The following PDE4B variants were observed in gnomAD, a reference collection of about 807,000 sequenced individuals.
PDE4B encodes 3',5'-cyclic-AMP phosphodiesterase 4B.
A neutral mutation model predicts 82.2 loss-of-function variants in PDE4B; 20 were observed. The ratio of observed to expected loss-of-function variants is 0.24; its 90% CI spans 0.17 to 0.35. The LOEUF (loss-of-function observed/expected upper bound fraction) is 0.35. Among genes scored for constraint, PDE4B ranks in the 10% least tolerant of loss-of-function variants. The probability of loss-of-function intolerance (pLI) is 1.00; values close to 1 mark genes in which losing one functional copy is unlikely to be tolerated. For synonymous variants in PDE4B, 320 were observed against 318.9 expected (o/e 1.00, Z -0.04); for missense variants, 655 against 907.2 (o/e 0.72, Z 3.57).
chr1:65,919,001 TG>T (rs1418024259), intron 3 of PDE4B, among the ~76,000 whole-genome samples, 166 bp downstream of exon 3: 1 of 152,166 alleles, frequency 6.6e-6, no homozygotes, highest in African/African-American at 2.4e-5. Context: ...TTGTAAACAG[TG>T]GAGATATTTT....
chr1:66,356,266 G>A (rs1434554136), intron 9 of PDE4B, among the ~76,000 whole-genome samples: 1 of 152,130 alleles, frequency 6.6e-6, no homozygotes, highest in Non-Finnish European at 1.5e-5. Context: ...TTACATTACT[G>A]GTATTTAACA....
At chr1:66,351,978 C>T (rs1437289588) in intron 8 of PDE4B, among the ~76,000 whole-genome samples, 1 of 152,130 alleles carries the variant, frequency 6.6e-6, no homozygotes, top group Admixed American at 6.5e-5. Context: ...CCCTTCCACC[C>T]CCCGCCGTCT....
chr1:65,987,111 G>C (rs955078036), intron 3 of PDE4B, among the ~76,000 whole-genome samples: 1 of 152,170 alleles, frequency 6.6e-6, no homozygotes, highest in Admixed American at 6.6e-5. Context: ...CCACTGTGTA[G>C]ACTTTGCTTT....
At chr1:66,159,726 TA>T (rs1480011236) in intron 3 of PDE4B, among the ~76,000 whole-genome samples, 1 of 152,150 alleles carries the variant, frequency 6.6e-6, no homozygotes, top group Non-Finnish European at 1.5e-5. Context: ...AGAAATAACG[TA>T]AAAGCTCTAA....
chr1:66,062,119 T>C (rs1331240627), intron 3 of PDE4B, among the ~76,000 whole-genome samples: 2 of 152,090 alleles, frequency 1.3e-5, no homozygotes, highest in African/African-American at 4.8e-5. Flanking sequence ...CATCTTAGCA[T>C]TTAAACATTG....
rs529049027 is a variant in PDE4B at position 66,206,744 on chromosome 1, A to T, written c.282-40716A>T. Among the ~76,000 whole-genome samples, 21 of 152,312 alleles carry T rather than the reference A, an allele frequency of 1.4e-4. No homozygotes were observed. The South Asian group carries it at 4.4e-3, about 32-fold the overall frequency. On this transcript the variant is annotated intron_variant, in intron 3 of 16. Transcript: ENST00000341517. ...GTGGCTTGAGTGGACGTGGGCAGCC[A>T]GTCACCCATGGAACACAGAGTATGG...
intron 3 of PDE4B, among the ~76,000 whole-genome samples, chr1:66,133,371 A>G (rs1645991888): frequency 6.6e-6 from 1 of 152,178 alleles, no homozygotes; most frequent in African/African-American, 2.4e-5. Context: ...TTATTTATGA[A>G]TCTCATTTCA....
At chr1:66,216,502 T>A (rs1650474565) in intron 3 of PDE4B, among the ~76,000 whole-genome samples, 2 of 152,178 alleles carry the variant, frequency 1.3e-5, no homozygotes, top group Non-Finnish European at 2.9e-5. Flanking sequence ...CCTCTGAATT[T>A]CCTGCATCAC....
intron 16 of PDE4B, among the ~76,000 whole-genome samples, 172 bp downstream of exon 16, chr1:66,369,141 A>AACT (rs1234261007): frequency 1.3e-5 from 2 of 152,232 alleles, no homozygotes; most frequent in East Asian, 3.8e-4. Flanking sequence ...CATTACACTC[A>AACT]GTTTCACAGG....
chr1:66,274,115 A>G (rs1261757089), intron 7 of PDE4B, among the ~76,000 whole-genome samples: 1 of 152,152 alleles, frequency 6.6e-6, no homozygotes, highest in Non-Finnish European at 1.5e-5. Flanking sequence ...TTAATCCTTC[A>G]GAGAAGTTAC....
chr1:65,952,780 G>A (rs1569799894), intron 3 of PDE4B, among the ~76,000 whole-genome samples: 1 of 152,076 alleles, frequency 6.6e-6, no homozygotes, highest in Non-Finnish European at 1.5e-5. Flanking sequence ...ACGTTGATAG[G>A]AAGGCTCTGC....
intron 3 of PDE4B, among the ~76,000 whole-genome samples, chr1:66,234,579 G>A (rs143762410): frequency 8.5e-4 from 129 of 152,232 alleles, no homozygotes; most frequent in African/African-American, 1.9e-3. Flanking sequence ...ATGAGCCACC[G>A]TGCCCAGCCT....
intron 3 of PDE4B, among the ~76,000 whole-genome samples, chr1:66,025,054 C>T (rs1653361251): frequency 6.6e-6 from 1 of 151,812 alleles, no homozygotes; most frequent in Non-Finnish European, 1.5e-5. Flanking sequence ...TGATTTATAG[C>T]TTTGTTAATT....
chr1:65,843,422 G>C (rs1490797791), intron 1 of PDE4B, among the ~76,000 whole-genome samples: 2 of 152,148 alleles, frequency 1.3e-5, no homozygotes, highest in East Asian at 3.8e-4. Flanking sequence ...TGTTAAGAGA[G>C]TGCATGAAAA....
chr1:65,953,724 C>T (rs964510824), intron 3 of PDE4B, among the ~76,000 whole-genome samples: 3 of 152,028 alleles, frequency 2.0e-5, no homozygotes, highest in Non-Finnish European at 4.4e-5. Context: ...CTCCTACCTT[C>T]ATAACAGTAC....
At chr1:66,078,494 C>T (rs1656547761) in intron 3 of PDE4B, among the ~76,000 whole-genome samples, 1 of 152,004 alleles carries the variant, frequency 6.6e-6, no homozygotes, top group Non-Finnish European at 1.5e-5. Flanking sequence ...ACAGGTGTGA[C>T]CCACCAAGCC....
At chr1:66,351,807 G>A (rs1661839083) in intron 8 of PDE4B, among the ~76,000 whole-genome samples, 1 of 152,196 alleles carries the variant, frequency 6.6e-6, no homozygotes, top group African/African-American at 2.4e-5. Flanking sequence ...CCATGTGGGA[G>A]TCAGATGCTG....
At chr1:65,834,978 A>T (rs988170546) in intron 1 of PDE4B, among the ~76,000 whole-genome samples, 1 of 152,176 alleles carries the variant, frequency 6.6e-6, no homozygotes, top group Non-Finnish European at 1.5e-5. Context: ...CACTCTATCC[A>T]TCTATAGCTC....
At chr1:66,281,827 T>C (rs1312300048) in intron 7 of PDE4B, among the ~76,000 whole-genome samples, 4 of 151,844 alleles carry the variant, frequency 2.6e-5, no homozygotes, top group African/African-American at 7.3e-5. Flanking sequence ...CATTATCCCA[T>C]TTTTTTTAAC....
Sources: allele counts gnomAD v4.1 joint callset (sites outside exome capture counted in the v4.1 genomes callset), GRCh38; gene constraint gnomAD v4.1.1; transcripts MANE v1.5; gene names NCBI Gene and HGNC (gene_info 2026-07-23, HGNC 2026-07-21).